The following LRRC41 variants were observed in gnomAD, a reference collection of about 807,000 sequenced individuals.
The protein encoded by LRRC41 is leucine rich repeat containing 41.
A neutral mutation model predicts 72.1 loss-of-function variants in LRRC41; 17 were observed. The observed-to-expected ratio is 0.24, with a 90% CI of 0.16 to 0.35. The LOEUF is 0.35. Among genes scored for constraint, LRRC41 ranks in the 10% least tolerant of loss-of-function variants. The pLI is 1.00. For missense variants in LRRC41, 759 were observed against 1,065.0 expected (o/e 0.71, Z 4.00); for synonymous variants, 427 against 431.0 (o/e 0.99, Z 0.11).
chr1:46,278,301 G>A lies in LRRC41; in HGVS notation c.*564C>T, dbSNP rs372499007. On this transcript the variant is annotated 3_prime_UTR_variant, in exon 10 of 10. Coordinates refer to ENST00000617190, the MANE Select transcript of LRRC41 (RefSeq NM_006369.5). ...CCGCTGATAACCAGCTGGTCTGGGT[G>A]TAGCTCTTAGAGGAAGGAGATAGGG... The A allele has an allele frequency of 1.9e-5, 31 of 1,599,532 alleles. No individual in the cohort carries two copies. Among genetic ancestry groups the A allele is most frequent in the South Asian group, 3.4e-5 (3 of 88,746 alleles).
chr1:46,302,665 G>A lies in LRRC41; in HGVS notation c.199+459C>T, dbSNP rs923151957. 42 of 985,286 alleles carry A rather than the reference G, an allele frequency of 4.3e-5. No homozygotes were observed. The South Asian group carries it at 1.7e-3, about 41-fold the overall frequency. The allele number at this position is 985,286 out of a possible 1,614,324, so 61.0% of individuals were successfully genotyped here. On this transcript the variant is annotated intron_variant, in intron 1 of 9. Transcript: ENST00000617190. The surrounding 1 kb of genome is among the most constrained non-coding windows in gnomAD (Gnocchi z 4.7). ...AGATGCTGGAGCCCCGGGGCCATCAGTCAGGTTCGGTGGCCCCGGGCCTGG... is the reference window on the plus strand; with the variant it reads ...AGATGCTGGAGCCCCGGGGCCATCAATCAGGTTCGGTGGCCCCGGGCCTGG...
In LRRC41 at chr1:46,278,802, G is replaced by C. The variant is rs1450184310; in HGVS notation, c.*63C>G. 1 of 1,479,218 alleles carries C rather than the reference G, an allele frequency of 6.8e-7. No homozygotes were observed. The highest frequency in any genetic ancestry group is 2.3e-5 in the East Asian group (1 of 44,278). 91.6% of individuals were successfully genotyped at this position (1,479,218 alleles called of 1,614,324 possible). ...GAACTGGTGGTTGGGGTTCTGGGCA[G>C]CCCATGCTTCAGCCCCTGCAAGCTG... On this transcript the variant is annotated 3_prime_UTR_variant, in exon 10 of 10. Coordinates refer to ENST00000617190, the MANE Select transcript of LRRC41 (RefSeq NM_006369.5).
rs1158286921 is a variant in LRRC41 at position 46,285,206 on chromosome 1, G to A, written c.1495+156C>T. ...ATAGACTTTATGTTCCTCTCTTCTAGCAATGACAGTCTCCCCTGCTATGAG... is the reference window on the plus strand; with the variant it reads ...ATAGACTTTATGTTCCTCTCTTCTAACAATGACAGTCTCCCCTGCTATGAG... On this transcript the variant is annotated intron_variant, in intron 4 of 9. Transcript: ENST00000617190. This position sits in a 1 kb window ranked among gnomAD's most constrained non-coding sequence, Gnocchi z 5.3. 8.5e-6 allele frequency: 6 copies of A among 702,928 alleles called. No individual in the cohort carries two copies. In the South Asian group the frequency reaches 1.1e-4, roughly 12 times the overall value. 43.5% of individuals were successfully genotyped at this position (702,928 alleles called of 1,614,324 possible). A position where few individuals can be genotyped will look rare whatever the true frequency, so the allele number is the denominator to read the frequency against.
At chr1:46,298,408 TC>T (rs1406398256) in intron 1 of LRRC41, 38 bp from the exon 2 acceptor site, 3 of 1,210,800 alleles carry the variant, frequency 2.5e-6, no homozygotes, top group Non-Finnish European at 3.5e-6. Flanking sequence ...TTTCCTCCCC[TC>T]CCCCTCCCAC....
At position 46,279,689 on chromosome 1, in the gene LRRC41, T is replaced by C; in HGVS notation, c.2021-75A>G. The C allele has an allele frequency of 6.4e-7, 1 of 1,573,638 alleles. No individual in the cohort carries two copies. The highest frequency in any genetic ancestry group is 8.7e-7 in the Non-Finnish European group (1 of 1,148,634). ...CTGCCCCTCCTGCCCCAGTTGGCCC[T>C]AGCAAGGGGTATTAACATTATAGAG... On this transcript the variant is annotated intron_variant, in intron 7 of 9. Coordinates refer to ENST00000617190, the MANE Select transcript of LRRC41 (RefSeq NM_006369.5). The surrounding 1 kb of genome is among the most constrained non-coding windows in gnomAD (Gnocchi z 4.5).
At position 46,302,887 on chromosome 1, in the gene LRRC41, T is replaced by C. The variant is rs1014600817; in HGVS notation, c.199+237A>G. Reference sequence around the variant, plus strand: ...TCGCTCCAGACCGGGCCTCCTGGCCTCGCCCCCCGCGCCCCCGAGCCAGGC... The same window carrying C: ...TCGCTCCAGACCGGGCCTCCTGGCCCCGCCCCCCGCGCCCCCGAGCCAGGC... On this transcript the variant is annotated intron_variant, in intron 1 of 9. Coordinates refer to ENST00000617190, the MANE Select transcript of LRRC41 (RefSeq NM_006369.5). This position sits in a 1 kb window ranked among gnomAD's most constrained non-coding sequence, Gnocchi z 4.7. 56 of 984,666 alleles carry C rather than the reference T, an allele frequency of 5.7e-5. No individual in the cohort carries two copies. The highest frequency in any genetic ancestry group is 6.4e-5 in the Non-Finnish European group (53 of 829,758). The allele number at this position is 984,666 out of a possible 1,614,324, so 61.0% of individuals were successfully genotyped here. A position where few individuals can be genotyped will look rare whatever the true frequency, so the allele number is the denominator to read the frequency against.
chr1:46,303,373 A>T lies in LRRC41; in HGVS notation c.-51T>A. 1 of 1,451,434 alleles carries T rather than the reference A, an allele frequency of 6.9e-7. No individual in the cohort carries two copies. The highest frequency in any genetic ancestry group is 9.1e-7 in the Non-Finnish European group (1 of 1,100,156). 89.9% of individuals were successfully genotyped at this position (1,451,434 alleles called of 1,614,324 possible). ...GTGTCGCCCGCGGACCGCCATCTTG[A>T]AAAGGTCAGCAGTTAGGACGGCTCC... is the stretch of plus-strand genomic sequence containing the variant. On this transcript the variant is annotated 5_prime_UTR_variant, in exon 1 of 10. Transcript: ENST00000617190.
intron 1 of LRRC41, among the ~76,000 whole-genome samples, chr1:46,301,572 C>T (rs1661224066): frequency 6.6e-6 from 1 of 152,082 alleles, no homozygotes; most frequent in Non-Finnish European, 1.5e-5. Flanking sequence ...CTGGGCTCCA[C>T]TCCCACAGCC....
chr1:46,278,910 T>C lies in LRRC41; in HGVS notation c.2394A>G (p.Ser798=), dbSNP rs1366780587. Reference sequence around the variant, plus strand: ...CTGCGAAGGCCTGGGATGAGTCCCATGAGTCGCTAACCACATGGCAGGTAG... The same window carrying C: ...CTGCGAAGGCCTGGGATGAGTCCCACGAGTCGCTAACCACATGGCAGGTAG... The part of the protein sequence containing the change: ...LRATCHVVSD[S]WDSSQAFADY... Residue 798 remains serine (S), a synonymous_variant, in exon 10 of 10, where the codon TCA becomes TCG. Coordinates refer to ENST00000617190, the MANE Select transcript of LRRC41 (RefSeq NM_006369.5). 6.2e-7 allele frequency: 1 copy of C among 1,613,336 alleles called. No homozygotes were observed. Among genetic ancestry groups the C allele is most frequent in the Non-Finnish European group, 8.5e-7 (1 of 1,179,936 alleles).
chr1:46,278,569 C>T lies in LRRC41; in HGVS notation c.*296G>A. The T allele has an allele frequency of 1.6e-6, 1 of 608,830 alleles. No homozygotes were observed. The highest frequency in any genetic ancestry group is 3.0e-5 in the Admixed American group (1 of 33,868). 37.7% of individuals were successfully genotyped at this position (608,830 alleles called of 1,614,324 possible). A position where few individuals can be genotyped will look rare whatever the true frequency, so the allele number is the denominator to read the frequency against. On this transcript the variant is annotated 3_prime_UTR_variant, in exon 10 of 10. Coordinates refer to ENST00000617190, the MANE Select transcript of LRRC41 (RefSeq NM_006369.5). ...CTGCTTGAGGAGGGAAGGCAGGAAC[C>T]CAGGGGCAGGGGAGGGGATCTCTTC...
intron 3 of LRRC41, among the ~76,000 whole-genome samples, chr1:46,291,332 T>C (rs1569653970): frequency 1.3e-5 from 2 of 152,120 alleles, no homozygotes; most frequent in African/African-American, 2.4e-5. Flanking sequence ...GTAGAACTTA[T>C]AGCCAAATTA....
intron 4 of LRRC41, 47 bp from the exon 5 acceptor site, chr1:46,281,432 A>AG: frequency 6.3e-7 from 1 of 1,585,066 alleles, no homozygotes; most frequent in Non-Finnish European, 8.6e-7. Flanking sequence ...GAGTGTCAGC[A>AG]GGGGTAATAT....
intron 4 of LRRC41, among the ~76,000 whole-genome samples, chr1:46,283,397 T>C (rs1660820100): frequency 6.6e-6 from 1 of 152,182 alleles, no homozygotes; most frequent in Admixed American, 6.5e-5. Flanking sequence ...GGTTGGTGGA[T>C]CACTTGAGGC....
chr1:46,277,910 C>CA lies in LRRC41; in HGVS notation c.*954dup. 1 of 1,614,120 alleles carries CA rather than the reference C, an allele frequency of 6.2e-7. No homozygotes were observed. Among genetic ancestry groups the CA allele is most frequent in the Non-Finnish European group, 8.5e-7 (1 of 1,180,038 alleles). ...GGATGAGGAGCAGGATGTAGAGCGC[C>CA]ACTTCTCTCTGGGCGAGTTGAAGGA... On this transcript the variant is annotated 3_prime_UTR_variant, in exon 10 of 10. Transcript: ENST00000617190.
chr1:46,299,232 G>A (rs1661180593), intron 1 of LRRC41: 1 of 152,246 alleles, frequency 6.6e-6, no homozygotes, highest in Non-Finnish European at 1.5e-5. Context: ...AATTATTTAA[G>A]CCTCTTTAAG....
At position 46,278,632 on chromosome 1, in the gene LRRC41, G is replaced by A; in HGVS notation, c.*233C>T. ...GACCACTGTAACCTCCTGGCCCAGG[G>A]TTCCCAGGATACTGAGTAAGGGGCC... On this transcript the variant is annotated 3_prime_UTR_variant, in exon 10 of 10. Coordinates refer to ENST00000617190, the MANE Select transcript of LRRC41 (RefSeq NM_006369.5). 1 of 608,690 alleles carries A rather than the reference G, an allele frequency of 1.6e-6. No individual in the cohort carries two copies. The highest frequency in any genetic ancestry group is 2.9e-6 in the Non-Finnish European group (1 of 346,990). The allele number at this position is 608,690 out of a possible 1,614,324, so 37.7% of individuals were successfully genotyped here. A position where few individuals can be genotyped will look rare whatever the true frequency, so the allele number is the denominator to read the frequency against.
chr1:46,285,786 T>C lies in LRRC41; in HGVS notation c.1071A>G (p.Ser357=), dbSNP rs1569643140. The C allele has an allele frequency of 1.3e-6, 2 of 1,595,442 alleles. No individual in the cohort carries two copies. Among genetic ancestry groups the C allele is most frequent in the East Asian group, 4.5e-5 (2 of 44,766 alleles). The change falls in exon 4 of 10, where the codon TCA becomes TCG. Residue 357 remains serine, a synonymous_variant. Transcript: ENST00000617190. The surrounding 1 kb of genome is among the most constrained non-coding windows in gnomAD (Gnocchi z 5.3). The stretch of plus-strand genomic sequence containing the variant: ...AGGAGGTGGCTGCTGGAGCAGAAGG[T>C]GACCGCTTGGTGCCAGGAGCCTCAT... ...TSHEAPGTKR[S]PSAPAATSSA...
At chr1:46,303,066 C>A in intron 1 of LRRC41, 58 bp downstream of exon 1, 1 of 1,342,516 alleles carries the variant, frequency 7.4e-7, no homozygotes, top group Non-Finnish European at 9.5e-7. Flanking sequence ...CCGCGCCCCC[C>A]GGCCGCTGGG....
In LRRC41 at chr1:46,303,219, C is replaced by T. The variant is rs1661284506; in HGVS notation, c.104G>A (p.Ser35Asn). Residue 35 changes from serine (S) to asparagine (N), a missense_variant, in exon 1 of 10, where the codon AGC becomes AAC. Transcript: ENST00000617190. ...GGGAGCGTTGGGGCCCGAGGCCGAG[C>T]TCTTCGCTGGCGCCGCCTCCCGGGA... The part of the protein sequence containing the change: ...ATSREAAPAK[S>N]SASGPNAPPA... 6.4e-7 allele frequency: 1 copy of T among 1,564,230 alleles called. No homozygotes were observed. Among genetic ancestry groups the T allele is most frequent in the Admixed American group, 1.8e-5 (1 of 54,282 alleles).
Sources: allele counts gnomAD v4.1 joint callset (sites outside exome capture counted in the v4.1 genomes callset), GRCh38; gene constraint gnomAD v4.1.1; non-coding constraint Gnocchi (gnomAD v3.1); transcripts MANE v1.5; gene names NCBI Gene and HGNC (gene_info 2026-07-23, HGNC 2026-07-21).